The following GPM6B variants were observed in gnomAD, a reference collection of about 807,000 sequenced individuals.
GPM6B encodes glycoprotein M6B.
A neutral mutation model predicts 27.2 loss-of-function variants in GPM6B; 4 were observed. That is an observed-to-expected ratio of 0.15 (90% CI 0.07 to 0.34). The LOEUF (loss-of-function observed/expected upper bound fraction) is 0.34, where lower values mean the gene tolerates loss of function less well. Among genes scored for constraint, GPM6B ranks in the 10% least tolerant of loss-of-function variants. The pLI is 1.00. For missense variants in GPM6B, 183 were observed against 261.9 expected, an observed-to-expected ratio of 0.70 and a Z score of 2.08; for synonymous variants, 124 against 103.1, an observed-to-expected ratio of 1.20 and a Z score of -1.23.
At chrX:13,824,514 A>T (rs12010171) in intron 1 of GPM6B, among the ~76,000 whole-genome samples, 49,642 of 110,407 alleles carry the variant, frequency 0.45, 8,318 homozygotes, top group Non-Finnish European at 0.51. Flanking sequence ...AAACAGACAA[A>T]GTGTGCTACG....
At chrX:13,877,711 A>C (rs2050049431) in intron 1 of GPM6B, among the ~76,000 whole-genome samples, 1 of 104,041 alleles carries the variant, frequency 9.6e-6, no homozygotes, top group Non-Finnish European at 1.9e-5. Context: ...CTGTAGTCAA[A>C]GCTACTTGGG....
At chrX:13,773,107 A>G in intron 7 of GPM6B, 77 bp from the exon 8 acceptor site, 2 of 940,154 alleles carry the variant, frequency 2.1e-6, no homozygotes, top group Non-Finnish European at 3.0e-6. Flanking sequence ...GATTAGACAG[A>G]CTTGACTTTA....
intron 7 of GPM6B, chrX:13,774,154 C>T: frequency 2.6e-6 from 2 of 760,343 alleles, no homozygotes; most frequent in Non-Finnish European, 3.1e-6. Context: ...TCCATTTCAT[C>T]TTCAGCACTT....
Position 13,816,730 on chromosome X carries a change from T to C in GPM6B, c.61+114A>G. 5.6e-6 allele frequency: 5 copies of C among 891,375 alleles called. No individual in the cohort carries two copies. The South Asian group carries it at 8.1e-5, about 14-fold the overall frequency. The allele number at this position is 891,375 out of a possible 1,213,427, so 73.5% of individuals were successfully genotyped here. A position where few individuals can be genotyped will look rare whatever the true frequency, so the allele number is the denominator to read the frequency against. On this transcript the variant is annotated intron_variant, in intron 1 of 7. Transcript: ENST00000316715. The stretch of plus-strand genomic sequence containing the variant: ...AAAATCAACCCTGAAAGCAAGACCA[T>C]GCCATAGGGATTGTCTCAGAGCCAT...
intron 1 of GPM6B, among the ~76,000 whole-genome samples, chrX:13,921,578 C>G (rs759310300): frequency 6.7e-5 from 4 of 59,894 alleles, no homozygotes; most frequent in South Asian, 1.2e-3. Context: ...TATAACCCCC[C>G]CCCTTTTTTT....
intron 3 of GPM6B, 152 bp from the exon 4 acceptor site, chrX:13,783,673 G>C: frequency 2.0e-6 from 1 of 504,772 alleles, no homozygotes; most frequent in Non-Finnish European, 3.4e-6. Context: ...GGGCATCCTG[G>C]GCGGCATCCC....
At chrX:13,900,920 A>G (rs1285908550) in intron 1 of GPM6B, among the ~76,000 whole-genome samples, 1 of 111,774 alleles carries the variant, frequency 8.9e-6, no homozygotes, top group African/African-American at 3.3e-5. Flanking sequence ...AAGTCACACA[A>G]CATGGTGAAC....
chrX:13,859,784 T>C (rs1334927565), intron 1 of GPM6B, among the ~76,000 whole-genome samples: 1 of 111,653 alleles, frequency 9.0e-6, no homozygotes, highest in African/African-American at 3.3e-5. Context: ...ATAAATAATG[T>C]GCTTAGAATA....
chrX:13,927,164 A>AT (rs1254345562), intron 1 of GPM6B, among the ~76,000 whole-genome samples: 54 of 45,580 alleles, frequency 1.2e-3, no homozygotes, highest in Non-Finnish European at 2.1e-3. Context: ...GAAATTCAAC[A>AT]TAAAAAAAAA....
intron 2 of GPM6B, among the ~76,000 whole-genome samples, chrX:13,787,384 G>A (rs1348466475): frequency 1.8e-5 from 2 of 111,336 alleles, no homozygotes; most frequent in African/African-American, 6.5e-5. Flanking sequence ...GTAAAACCCC[G>A]TCTCTACTAA....
intron 1 of GPM6B, 117 bp downstream of exon 1, chrX:13,816,727 C>T (rs762411394): frequency 3.5e-5 from 31 of 878,772 alleles, no homozygotes; most frequent in Non-Finnish European, 4.9e-5. Context: ...GAAAGCAAGA[C>T]CATGCCATAG....
intron 1 of GPM6B, among the ~76,000 whole-genome samples, chrX:13,839,329 T>C (rs1230678496): frequency 2.0e-5 from 2 of 98,876 alleles, no homozygotes; most frequent in Non-Finnish European, 4.2e-5. Flanking sequence ...CAATCTTACA[T>C]GTATTGATTG....
intron 1 of GPM6B, among the ~76,000 whole-genome samples, chrX:13,893,373 T>A (rs766066144): frequency 2.8e-5 from 3 of 105,997 alleles, no homozygotes; most frequent in Admixed American, 1.0e-4. Context: ...TTAAATTACC[T>A]ACAAGCACGA....
chrX:13,870,398 G>A (rs2049962624), intron 1 of GPM6B, among the ~76,000 whole-genome samples: 2 of 112,170 alleles, frequency 1.8e-5, no homozygotes, highest in Non-Finnish European at 3.8e-5. Context: ...ACATTCCAGG[G>A]CTCATCCACT....
chrX:13,864,431 A>G (rs2049886204), intron 1 of GPM6B, among the ~76,000 whole-genome samples: 1 of 112,744 alleles, frequency 8.9e-6, no homozygotes, highest in African/African-American at 3.2e-5. Flanking sequence ...TTGGGAGGAC[A>G]CTGACATGAC....
chrX:13,938,436 G>C (rs2147089157), upstream of GPM6B: 1 of 630,817 alleles, frequency 1.6e-6, no homozygotes, highest in East Asian at 4.5e-5. Context: ...CGGGACCCTC[G>C]GAAGGGCGCG....
In GPM6B at chrX:13,933,502, TAAG is replaced by T. The variant is rs1218182058; in HGVS notation, c.-198+4822_-198+4824del. 2.7e-5 allele frequency among the ~76,000 whole-genome samples: 3 copies of T among 112,245 alleles called. No homozygotes were observed. In the South Asian group the frequency reaches 1.1e-3, roughly 41 times the overall value. On this transcript the variant is annotated intron_variant, in intron 1 of 6. Coordinates refer to the GPM6B transcript ENST00000398361. Reference sequence around the variant, plus strand: ...CTGCTTCTCCCCCAAGTAGTGTACTTAAGAAGAGTCAGTGGTGTTTGTTCCCAA... The same window carrying T: ...CTGCTTCTCCCCCAAGTAGTGTACTTAAGAGTCAGTGGTGTTTGTTCCCAA...
intron 1 of GPM6B, among the ~76,000 whole-genome samples, chrX:13,867,120 T>TTTGTTC (rs1431932740): frequency 5.5e-5 from 6 of 109,736 alleles, no homozygotes; most frequent in Non-Finnish European, 1.1e-4. Flanking sequence ...GGCATTTATT[T>TTTGTTC]TTGTTTTGAG....
chrX:13,779,762 A>ATAT (rs2048480616), intron 5 of GPM6B, 56 bp downstream of exon 5: 1 of 979,030 alleles, frequency 1.0e-6, no homozygotes, highest in Admixed American at 2.4e-5. Context: ...AGGTCCAGAC[A>ATAT]TATGCACGAG....
Sources: gnomAD v4.1 joint callset for allele counts (sites outside exome capture counted in the v4.1 genomes callset) on GRCh38, gnomAD v4.1.1 for gene constraint, MANE v1.5 for transcripts, NCBI Gene and HGNC (gene_info 2026-07-23, HGNC 2026-07-21) for gene names.